Variants in TJP2 observed in about 807,000 individuals in gnomAD.
The protein encoded by TJP2 is Friedreich ataxia region gene X104 (tight junction protein ZO-2).
TJP2 carries 91 observed loss-of-function variants against 133.1 expected under a neutral mutation model. The ratio of observed to expected loss-of-function variants is 0.68; its 90% CI spans 0.58 to 0.81. TJP2 has a LOEUF of 0.81. Ranked by LOEUF, TJP2 falls within the 40% of genes least tolerant of loss-of-function variation. The probability of loss-of-function intolerance (pLI) is 0.00; values close to 1 mark genes in which losing one functional copy is unlikely to be tolerated. For synonymous variants in TJP2, 592 were observed against 583.4 expected (o/e 1.01, Z -0.21); for missense variants, 1,541 against 1,565.6 (o/e 0.98, Z 0.26).
chr9:69,138,616 A>C (rs1822878293), intron 1 of TJP2, among the ~76,000 whole-genome samples: 2 of 152,050 alleles, frequency 1.3e-5, no homozygotes, highest in Non-Finnish European at 2.9e-5. Context: ...AAAATACAAA[A>C]ATTAGCCAGG....
chr9:69,196,993 G>A lies in TJP2; in HGVS notation c.61-15555G>A, dbSNP rs192624191. Among the ~76,000 whole-genome samples, 11 of 136,162 alleles carry A rather than the reference G, an allele frequency of 8.1e-5. No homozygotes were observed. The East Asian group carries it at 2.5e-3, about 31-fold the overall frequency. The allele number at this position is 136,162 out of a possible 152,430, so 89.3% of individuals were successfully genotyped here. A position where few individuals can be genotyped will look rare whatever the true frequency, so the allele number is the denominator to read the frequency against. On this transcript the variant is annotated intron_variant, in intron 1 of 22. Coordinates refer to ENST00000377245, the MANE Select transcript of TJP2 (RefSeq NM_004817.4). ...CACACACACATGTTTTCTGGAGGCA[G>A]AGTCTCACTCTGTCGCCCAGGTTGG... is the stretch of plus-strand genomic sequence containing the variant.
At chr9:69,187,449 G>A (rs1282652770) in intron 1 of TJP2, among the ~76,000 whole-genome samples, 1 of 152,164 alleles carries the variant, frequency 6.6e-6, no homozygotes, top group Non-Finnish European at 1.5e-5. Flanking sequence ...TGTCTCTTTC[G>A]TCTGTTCCAA....
In TJP2 at chr9:69,221,094, GC is replaced by G. The variant is rs1236775834; in HGVS notation, c.553del (p.Arg185GlyfsTer126). 6.3e-7 allele frequency: 1 copy of G among 1,584,254 alleles called. No homozygotes were observed. The highest frequency in any genetic ancestry group is 2.3e-5 in the East Asian group (1 of 43,224). ...SPERGRPHER[A>X]RSRERDLSRD... is the part of the protein sequence containing the mutation. ...GGAAAGGGGGCGTCCCCATGAGCGG[GC>G]CCGGAGCCGGGAGCGGGACCTCAGC... On this transcript the variant is annotated frameshift_variant, in exon 5 of 23. Transcript: ENST00000377245. LOFTEE classifies it high-confidence loss of function.
intron 3 of TJP2, 87 bp downstream of exon 3, chr9:69,216,550 A>G (rs988172619): frequency 1.3e-5 from 18 of 1,365,548 alleles, no homozygotes; most frequent in Non-Finnish European, 1.7e-5. Context: ...CACTTTATTT[A>G]AAAAAAAGAA....
intron 4 of TJP2, among the ~76,000 whole-genome samples, chr9:69,219,594 C>CT (rs1234259753): frequency 6.6e-6 from 1 of 152,076 alleles, no homozygotes; most frequent in African/African-American, 2.4e-5. Flanking sequence ...CTCAAGATGT[C>CT]TTTTTCATTT....
chr9:69,248,442 C>T, intron 19 of TJP2: 1 of 1,415,742 alleles, frequency 7.1e-7, no homozygotes. Flanking sequence ...GAGGGGTCAG[C>T]ACTCCGCACA....
At chr9:69,248,674 C>A (rs1339575485) in intron 19 of TJP2, 1 of 1,030,436 alleles carries the variant, frequency 9.7e-7, no homozygotes, top group African/African-American at 1.7e-5. Context: ...CAGTTTCCTT[C>A]TCTCTTATAT....
At chr9:69,210,053 A>G (rs1325001146) in intron 1 of TJP2, among the ~76,000 whole-genome samples, 2 of 152,098 alleles carry the variant, frequency 1.3e-5, no homozygotes, top group East Asian at 1.9e-4. Flanking sequence ...TTGGGAGGCT[A>G]AGGCAGGCGG....
chr9:69,164,879 G>T (rs1473561793), intron 2 of TJP2, among the ~76,000 whole-genome samples: 1 of 152,090 alleles, frequency 6.6e-6, no homozygotes, highest in African/African-American at 2.4e-5. Flanking sequence ...GCTCAGGCTG[G>T]AGTGTAGTGG....
chr9:69,143,950 G>T (rs1823111052), intron 1 of TJP2, among the ~76,000 whole-genome samples: 1 of 152,154 alleles, frequency 6.6e-6, no homozygotes, highest in Non-Finnish European at 1.5e-5. Flanking sequence ...CAATTTAAAA[G>T]ATATTAGTTC....
intron 1 of TJP2, among the ~76,000 whole-genome samples, chr9:69,189,225 TGGA>T: frequency 6.6e-6 from 1 of 152,186 alleles, no homozygotes; most frequent in South Asian, 2.1e-4. Context: ...CGGGACAGCC[TGGA>T]GGAGGAGGAC....
chr9:69,229,058 T>G (rs1829564853), intron 9 of TJP2, 126 bp from the exon 10 acceptor site: 1 of 879,304 alleles, frequency 1.1e-6, no homozygotes, highest in African/African-American at 1.7e-5. Context: ...CTTTAGAGAC[T>G]TCTTTTTGTT....
intron 17 of TJP2, among the ~76,000 whole-genome samples, chr9:69,244,315 A>G (rs1299249948): frequency 1.3e-5 from 2 of 151,962 alleles, no homozygotes; most frequent in South Asian, 2.1e-4. Flanking sequence ...CATACCCATT[A>G]GCAGTCATTC....
chr9:69,175,632 C>CA (rs1439819770), intron 1 of TJP2, among the ~76,000 whole-genome samples: 1 of 152,150 alleles, frequency 6.6e-6, no homozygotes, highest in Non-Finnish European at 1.5e-5. Flanking sequence ...CGCAGATGAG[C>CA]AAGAGCGTGG....
intron 19 of TJP2, chr9:69,249,117 C>T (rs2133475284): frequency 1.6e-6 from 2 of 1,278,520 alleles, no homozygotes; most frequent in South Asian, 1.8e-5. Context: ...ATATTAGTGA[C>T]ACAAGAGATT....
chr9:69,189,468 C>G (rs1398868390), intron 1 of TJP2, among the ~76,000 whole-genome samples: 1 of 152,044 alleles, frequency 6.6e-6, no homozygotes, highest in Non-Finnish European at 1.5e-5. Context: ...CACTGAGATT[C>G]TTGCTGAGTG....
intron 1 of TJP2, among the ~76,000 whole-genome samples, chr9:69,192,780 T>C (rs1214610589): frequency 2.0e-5 from 3 of 152,030 alleles, no homozygotes; most frequent in Non-Finnish European, 2.9e-5. Context: ...TATGGGTTGC[T>C]TTATTCATTC....
chr9:69,216,264 T>C, intron 2 of TJP2, 75 bp from the exon 3 acceptor site: 1 of 1,579,994 alleles, frequency 6.3e-7, no homozygotes. Context: ...GACCTTTATT[T>C]TATTGAGTGC....
chr9:69,204,745 G>T (rs1827263878), intron 1 of TJP2: 10 of 860,802 alleles, frequency 1.2e-5, no homozygotes, highest in Non-Finnish European at 1.3e-5. Context: ...GCGTGTGTGT[G>T]TGTGTATCAG....
Sources: allele counts gnomAD v4.1 joint callset (sites outside exome capture counted in the v4.1 genomes callset), GRCh38; gene constraint gnomAD v4.1.1; transcripts MANE v1.5; gene names NCBI Gene and HGNC (gene_info 2026-07-23, HGNC 2026-07-21).